ST6GALNAC5: variants seen among roughly 807,000 people sequenced by gnomAD.
ST6GALNAC5 encodes the protein ST6 N-acetylgalactosaminide alpha-2,6-sialyltransferase 5, also known as alpha-N-acetylgalactosaminide alpha-2,6-sialyltransferase 5.
ST6GALNAC5 carries 27 observed loss-of-function variants against 33.6 expected under a neutral mutation model. That is an observed-to-expected ratio of 0.80 (90% CI 0.59 to 1.11). ST6GALNAC5 has a LOEUF of 1.11. Among genes scored for constraint, ST6GALNAC5 ranks in the 50% least tolerant of loss-of-function variants. ST6GALNAC5 has a pLI of 0.00. For missense variants in ST6GALNAC5, 428 were observed against 454.0 expected (o/e 0.94, Z 0.52); for synonymous variants, 194 against 171.2 (o/e 1.13, Z -1.04).
intron 4 of ST6GALNAC5, among the ~76,000 whole-genome samples, chr1:77,055,484 T>C (rs944106442): frequency 2.0e-5 from 3 of 152,212 alleles, no homozygotes; most frequent in Admixed American, 6.5e-5. Flanking sequence ...TATAATAATC[T>C]TATGAGGTAA....
At chr1:77,002,803 G>C (rs1265680801) in intron 2 of ST6GALNAC5, among the ~76,000 whole-genome samples, 2 of 149,666 alleles carry the variant, frequency 1.3e-5, no homozygotes, top group South Asian at 2.1e-4. Context: ...GAGTGGTTTT[G>C]AGTGAGATTC....
intron 2 of ST6GALNAC5, among the ~76,000 whole-genome samples, chr1:76,953,869 G>A (rs1015172280): frequency 1.3e-5 from 2 of 151,860 alleles, no homozygotes; most frequent in Non-Finnish European, 2.9e-5. Context: ...TCTGCCCATT[G>A]GTGTCCAATT....
chr1:76,890,545 G>T (rs935641814), intron 2 of ST6GALNAC5, among the ~76,000 whole-genome samples: 2 of 145,576 alleles, frequency 1.4e-5, no homozygotes, highest in African/African-American at 2.5e-5. Context: ...TTTTACTTCA[G>T]TTTTTTTTTT....
chr1:76,931,089 A>T (rs1056809687), intron 2 of ST6GALNAC5, among the ~76,000 whole-genome samples: 1 of 152,124 alleles, frequency 6.6e-6, no homozygotes, highest in Non-Finnish European at 1.5e-5. Context: ...CCTTTGCTTG[A>T]TGGCTTTCAG....
Position 76,912,244 on chromosome 1 carries a change from T to A in ST6GALNAC5, c.261+43502T>A, listed in dbSNP as rs538574796. On this transcript the variant is annotated intron_variant, in intron 2 of 4. Coordinates refer to ENST00000477717, the MANE Select transcript of ST6GALNAC5 (RefSeq NM_030965.3). ...ATGTACTTGAGTGGTTTTGAGTGAG[T>A]TTCTTAATCCTGAGTTCTAGTTTGA... Among the ~76,000 whole-genome samples the A allele has an allele frequency of 3.3e-5, 5 of 152,238 alleles. No individual in the cohort carries two copies. In the South Asian group the frequency reaches 8.3e-4, roughly 25 times the overall value.
rs191503253 is a variant in ST6GALNAC5, at chr1:76,919,431, C to A, written c.261+50689C>A. 3.3e-3 allele frequency among the ~76,000 whole-genome samples: 508 copies of A among 152,220 alleles called. 2 individuals are homozygous for A. Among genetic ancestry groups the A allele is most frequent in the African/African-American group, 0.012 (495 of 41,534 alleles). On this transcript the variant is annotated intron_variant, in intron 2 of 4. Transcript: ENST00000477717. ...ATGCTGAAAACCCCCACCTTCTTCC[C>A]TTAATGGGTTTCGATTTAGTCTTCA...
chr1:76,867,831 TC>T, intron 1 of ST6GALNAC5, 141 bp downstream of exon 1: 1 of 1,224,060 alleles, frequency 8.2e-7, no homozygotes. Context: ...TTCTACCCGC[TC>T]CGCGTTCCCT....
intron 3 of ST6GALNAC5, among the ~76,000 whole-genome samples, chr1:77,045,538 A>T (rs1173835974): frequency 6.6e-6 from 1 of 152,214 alleles, no homozygotes; most frequent in Admixed American, 6.5e-5. Flanking sequence ...ATGATGTAAA[A>T]ATGTATTTTT....
chr1:76,887,865 C>A (rs1374134019), intron 2 of ST6GALNAC5, among the ~76,000 whole-genome samples: 1 of 151,726 alleles, frequency 6.6e-6, no homozygotes, highest in African/African-American at 2.4e-5. Context: ...TGGCTTTTTT[C>A]CTCCTAAGAT....
intron 2 of ST6GALNAC5, among the ~76,000 whole-genome samples, chr1:76,928,078 C>T (rs1342761992): frequency 6.6e-6 from 1 of 150,902 alleles, no homozygotes; most frequent in Non-Finnish European, 1.5e-5. Flanking sequence ...GGAGGGAACC[C>T]CCAGATAGAC....
intron 3 of ST6GALNAC5, 63 bp from the exon 4 acceptor site, chr1:77,050,195 A>G: frequency 7.3e-7 from 1 of 1,370,410 alleles, no homozygotes; most frequent in Non-Finnish European, 1.0e-6. Context: ...GAAAGAATTA[A>G]AGATGGTAGT....
chr1:76,966,528 A>C (rs1385807054), intron 2 of ST6GALNAC5, among the ~76,000 whole-genome samples: 1 of 152,224 alleles, frequency 6.6e-6, no homozygotes, highest in Non-Finnish European at 1.5e-5. Context: ...TAAATATAAA[A>C]TCATGTCATC....
chr1:76,960,246 G>A (rs912551264), intron 2 of ST6GALNAC5, among the ~76,000 whole-genome samples: 1 of 151,970 alleles, frequency 6.6e-6, no homozygotes, highest in Non-Finnish European at 1.5e-5. Flanking sequence ...TGGGTATCCG[G>A]GGGAGACATC....
chr1:76,894,077 C>A (rs1407271431), intron 2 of ST6GALNAC5, among the ~76,000 whole-genome samples: 1 of 152,104 alleles, frequency 6.6e-6, no homozygotes, highest in Non-Finnish European at 1.5e-5. Flanking sequence ...TTGTTTTTTA[C>A]CTTTGAAATC....
At chr1:77,037,119 T>G (rs1651671230) in intron 2 of ST6GALNAC5, among the ~76,000 whole-genome samples, 2 of 152,100 alleles carry the variant, frequency 1.3e-5, no homozygotes, top group Non-Finnish European at 2.9e-5. Context: ...CTGTACAGGA[T>G]GATGCTGAAA....
chr1:76,945,629 T>C (rs1647491067), intron 2 of ST6GALNAC5, among the ~76,000 whole-genome samples: 2 of 152,152 alleles, frequency 1.3e-5, no homozygotes, highest in Admixed American at 1.3e-4. Context: ...TTTTCTGGAA[T>C]ATATGATAAT....
At chr1:76,871,941 A>T (rs1160272488) in intron 2 of ST6GALNAC5, among the ~76,000 whole-genome samples, 1 of 151,758 alleles carries the variant, frequency 6.6e-6, no homozygotes. Flanking sequence ...TTCTAACATT[A>T]CTCTCTCAGT....
intron 2 of ST6GALNAC5, among the ~76,000 whole-genome samples, chr1:76,911,042 A>G (rs1469689887): frequency 6.6e-6 from 1 of 152,110 alleles, no homozygotes; most frequent in Non-Finnish European, 1.5e-5. Context: ...ACTTGCTGTT[A>G]GAAGACAGAA....
intron 2 of ST6GALNAC5, among the ~76,000 whole-genome samples, chr1:76,924,702 C>G (rs1466862768): frequency 6.6e-6 from 1 of 152,116 alleles, no homozygotes; most frequent in South Asian, 2.1e-4. Context: ...TCTATGAGCT[C>G]AAACACCTAG....
Sources: allele counts gnomAD v4.1 joint callset (sites outside exome capture counted in the v4.1 genomes callset), GRCh38; gene constraint gnomAD v4.1.1; transcripts MANE v1.5; gene names NCBI Gene and HGNC (gene_info 2026-07-23, HGNC 2026-07-21).